TAFA4: variants seen among roughly 807,000 people sequenced by gnomAD.
TAFA4 encodes the protein TAFA chemokine like family member 4, also known as chemokine-like protein TAFA-4.
In TAFA4, 20 loss-of-function variants were observed where a neutral mutation model predicts 21.1. The observed-to-expected ratio is 0.95, with a 90% CI of 0.67 to 1.38. TAFA4 has a LOEUF of 1.38. Ranked by LOEUF, TAFA4 falls within the 40% of genes most tolerant of loss-of-function variation. The pLI is 0.00. For synonymous variants in TAFA4, 71 were observed against 67.4 expected (o/e 1.05, Z -0.26); for missense variants, 211 against 180.9 (o/e 1.17, Z -0.95).
At chr3:68,885,581 AAC>A (rs751607432) in intron 1 of TAFA4, among the ~76,000 whole-genome samples, 1 of 152,206 alleles carries the variant, frequency 6.6e-6, no homozygotes, top group Non-Finnish European at 1.5e-5. Flanking sequence ...TTCAAAATTT[AAC>A]AGAGGGTCCC....
chr3:68,925,580 G>T (rs1434397636), intron 1 of TAFA4, among the ~76,000 whole-genome samples: 2 of 152,120 alleles, frequency 1.3e-5, no homozygotes, highest in African/African-American at 4.8e-5. Context: ...CTCCATTACT[G>T]ACATATGAAA....
At chr3:68,930,568 C>T (rs1007088685) in intron 1 of TAFA4, among the ~76,000 whole-genome samples, 18 of 152,324 alleles carry the variant, frequency 1.2e-4, no homozygotes, top group South Asian at 4.1e-4. Flanking sequence ...CCTTGAAATA[C>T]GGCTTTCTGC....
chr3:68,788,957 G>A (rs1358877803), intron 3 of TAFA4, among the ~76,000 whole-genome samples: 1 of 152,090 alleles, frequency 6.6e-6, no homozygotes, highest in Non-Finnish European at 1.5e-5. Context: ...ATTTGGGCCT[G>A]GTGTGGTGGC....
intron 1 of TAFA4, among the ~76,000 whole-genome samples, chr3:68,924,536 G>A (rs1002515529): frequency 6.6e-6 from 1 of 152,178 alleles, no homozygotes; most frequent in Non-Finnish European, 1.5e-5. Context: ...CCACGAAAAA[G>A]GTTCTGTGGA....
intron 3 of TAFA4, among the ~76,000 whole-genome samples, chr3:68,839,632 A>T (rs1704610264): frequency 6.6e-6 from 1 of 152,190 alleles, no homozygotes. Flanking sequence ...TCTCTTAAAA[A>T]ATCATTCAAA....
chr3:68,766,987 A>C (rs1478774599), intron 3 of TAFA4, among the ~76,000 whole-genome samples: 1 of 152,176 alleles, frequency 6.6e-6, no homozygotes, highest in East Asian at 1.9e-4. Context: ...ACACCCAACA[A>C]AACTATCAAT....
intron 3 of TAFA4, among the ~76,000 whole-genome samples, chr3:68,798,644 G>C (rs1423643859): frequency 6.6e-6 from 1 of 152,176 alleles, no homozygotes; most frequent in East Asian, 1.9e-4. Flanking sequence ...ATAAATGTGT[G>C]AATAACAGCT....
intron 3 of TAFA4, among the ~76,000 whole-genome samples, chr3:68,843,930 T>G (rs938133374): frequency 6.6e-6 from 1 of 152,272 alleles, no homozygotes; most frequent in Admixed American, 6.5e-5. Flanking sequence ...AGTATTTTAT[T>G]GAGGATTTTC....
chr3:68,930,315 T>G (rs2090147753), intron 1 of TAFA4, among the ~76,000 whole-genome samples: 7 of 152,202 alleles, frequency 4.6e-5, no homozygotes, highest in Admixed American at 4.6e-4. Flanking sequence ...TAGGGGTTTT[T>G]GTATGTGCTA....
At chr3:68,879,254 T>A (rs1352576959) in intron 3 of TAFA4, among the ~76,000 whole-genome samples, 4 of 151,958 alleles carry the variant, frequency 2.6e-5, no homozygotes, top group Non-Finnish European at 5.9e-5. Context: ...AGAGTGAAAA[T>A]CTGACCAGAG....
In TAFA4 at chr3:68,921,380, A is replaced by G. The variant is rs1202242826; in HGVS notation, c.-123+10860T>C. ...TTTTTTAAACAAGTGAAGAAAAAAA[A>G]GCAAGCTCTTTACATGTGTTTTCTT... On this transcript the variant is annotated intron_variant, in intron 1 of 5. Coordinates refer to ENST00000295569, the MANE Select transcript of TAFA4 (RefSeq NM_182522.5). Among the ~76,000 whole-genome samples the G allele has an allele frequency of 2.6e-5, 4 of 152,196 alleles. No individual in the cohort carries two copies. In the East Asian group the frequency reaches 7.7e-4, roughly 29 times the overall value.
intron 4 of TAFA4, among the ~76,000 whole-genome samples, chr3:68,749,772 A>G (rs1208177558): frequency 6.6e-6 from 1 of 152,214 alleles, no homozygotes. Context: ...CTCAAGTTAC[A>G]TGTTTACATC....
At chr3:68,837,271 G>C (rs1704546439) in intron 3 of TAFA4, among the ~76,000 whole-genome samples, 2 of 152,194 alleles carry the variant, frequency 1.3e-5, no homozygotes, top group East Asian at 3.9e-4. Flanking sequence ...TGGCCTGTTG[G>C]AACTGCAGAA....
At chr3:68,885,976 T>C (rs1055915832) in intron 1 of TAFA4, among the ~76,000 whole-genome samples, 1 of 152,144 alleles carries the variant, frequency 6.6e-6, no homozygotes, top group South Asian at 2.1e-4. Flanking sequence ...AGCAAACACA[T>C]CTTAAGAAAA....
At chr3:68,876,094 C>T (rs1269259446) in intron 3 of TAFA4, among the ~76,000 whole-genome samples, 1 of 152,158 alleles carries the variant, frequency 6.6e-6, no homozygotes, top group South Asian at 2.1e-4. Context: ...GTTCATGGGA[C>T]TTATCATAGT....
chr3:68,737,767 T>A (rs948330163), intron 5 of TAFA4, among the ~76,000 whole-genome samples: 3 of 152,108 alleles, frequency 2.0e-5, no homozygotes, highest in Admixed American at 6.6e-5. Context: ...CACTTAAGAG[T>A]TCTCATTCAA....
chr3:68,783,508 T>G (rs1703186541), intron 3 of TAFA4, among the ~76,000 whole-genome samples: 2 of 151,992 alleles, frequency 1.3e-5, no homozygotes, highest in African/African-American at 4.8e-5. Context: ...AAAAAGATAT[T>G]TGTAAACACT....
chr3:68,823,524 T>C (rs1032263935), intron 3 of TAFA4, among the ~76,000 whole-genome samples: 1 of 152,124 alleles, frequency 6.6e-6, no homozygotes, highest in Non-Finnish European at 1.5e-5. Context: ...CCCTGGTGGT[T>C]CACTACACCT....
chr3:68,916,191 T>C (rs1267220165), intron 1 of TAFA4: 10 of 152,254 alleles, frequency 6.6e-5, no homozygotes, highest in Admixed American at 6.5e-4. Flanking sequence ...AGTGAAGTCA[T>C]TTCAGGCAGT....
Sources: gnomAD v4.1 joint callset for allele counts (sites outside exome capture counted in the v4.1 genomes callset) on GRCh38, gnomAD v4.1.1 for gene constraint, MANE v1.5 for transcripts, NCBI Gene and HGNC (gene_info 2026-07-23, HGNC 2026-07-21) for gene names.